Variants in PCNX1 observed in about 807,000 individuals in gnomAD.
The protein encoded by PCNX1 is pecanex-like protein 1.
Under a neutral mutation model 242.2 loss-of-function variants are expected in PCNX1, and 78 were observed. The observed-to-expected ratio is 0.32, with a 90% CI of 0.27 to 0.39. The LOEUF (loss-of-function observed/expected upper bound fraction) is 0.39, where lower values mean the gene tolerates loss of function less well. Among genes scored for constraint, PCNX1 ranks in the 10% least tolerant of loss-of-function variants. The pLI is 1.00. For missense variants in PCNX1, 2,581 were observed against 2,856.5 expected, an observed-to-expected ratio of 0.90 and a Z score of 2.20; for synonymous variants, 1,024 against 1,032.9, an observed-to-expected ratio of 0.99 and a Z score of 0.17.
intron 27 of PCNX1, among the ~76,000 whole-genome samples, chr14:71,075,478 A>G (rs1214244484): frequency 1.3e-5 from 2 of 152,186 alleles, no homozygotes; most frequent in South Asian, 2.1e-4. Context: ...ATATATCTCT[A>G]TAACTTGGCC....
chr14:71,008,609 T>C (rs1421915911), intron 8 of PCNX1, among the ~76,000 whole-genome samples: 7 of 143,236 alleles, frequency 4.9e-5, no homozygotes, highest in African/African-American at 1.4e-4. Context: ...TGAGCCGAGA[T>C]TGCGCCACTG....
At chr14:70,998,063 A>G (rs1336586855) in intron 8 of PCNX1, among the ~76,000 whole-genome samples, 1 of 152,198 alleles carries the variant, frequency 6.6e-6, no homozygotes, top group Non-Finnish European at 1.5e-5. Flanking sequence ...TAAAGCATAC[A>G]TACACACATA....
intron 1 of PCNX1, among the ~76,000 whole-genome samples, chr14:70,930,978 G>A (rs995888788): frequency 6.6e-6 from 1 of 151,944 alleles, no homozygotes; most frequent in Non-Finnish European, 1.5e-5. Flanking sequence ...TCCTTTGGGG[G>A]GCAGCTTATA....
chr14:71,038,436 A>G (rs1383153740), intron 19 of PCNX1, among the ~76,000 whole-genome samples: 1 of 150,656 alleles, frequency 6.6e-6, no homozygotes, highest in South Asian at 2.1e-4. Flanking sequence ...ACACTTCTCA[A>G]AAGAGGACAT....
intron 19 of PCNX1, among the ~76,000 whole-genome samples, chr14:71,041,254 T>C (rs1187230479): frequency 6.6e-6 from 1 of 152,176 alleles, no homozygotes; most frequent in African/African-American, 2.4e-5. Context: ...ACTTCCAAAC[T>C]GTTCTCCGTA....
At chr14:71,033,867 C>A in intron 17 of PCNX1, 64 bp from the exon 18 acceptor site, 3 of 837,870 alleles carry the variant, frequency 3.6e-6, no homozygotes, top group Admixed American at 4.6e-5. Flanking sequence ...AACTTCATTG[C>A]CCGTTTGAAT....
intron 6 of PCNX1, among the ~76,000 whole-genome samples, chr14:70,985,762 G>T (rs943321769): frequency 6.6e-6 from 1 of 152,050 alleles, no homozygotes; most frequent in Non-Finnish European, 1.5e-5. Flanking sequence ...TTCACTATCT[G>T]CATTTTATGC....
At chr14:71,003,173 T>A (rs1160770563) in intron 8 of PCNX1, among the ~76,000 whole-genome samples, 2 of 147,444 alleles carry the variant, frequency 1.4e-5, no homozygotes, top group African/African-American at 5.0e-5. Flanking sequence ...TACCTCTGCC[T>A]CCTGGGTTCA....
At chr14:70,913,353 C>T (rs564139916) in intron 1 of PCNX1, among the ~76,000 whole-genome samples, 30 of 152,124 alleles carry the variant, frequency 2.0e-4, no homozygotes, top group Middle Eastern at 6.8e-3. Flanking sequence ...GGGTTAGGTT[C>T]GGTGTCAGTC....
At chr14:71,005,380 T>A (rs115463802) in intron 8 of PCNX1, among the ~76,000 whole-genome samples, 3,617 of 152,078 alleles carry the variant, frequency 0.024, 64 homozygotes, top group African/African-American at 0.046. Context: ...CTGTGGCGTG[T>A]GCCTGCAGCC....
At chr14:71,095,953 A>C (rs1213220912) in intron 30 of PCNX1, among the ~76,000 whole-genome samples, 1 of 152,246 alleles carries the variant, frequency 6.6e-6, no homozygotes, top group East Asian at 1.9e-4. Context: ...AGGCAGGAGG[A>C]TCGCTTGAGC....
intron 2 of PCNX1, among the ~76,000 whole-genome samples, chr14:70,950,513 A>G (rs891588659): frequency 6.6e-6 from 1 of 152,166 alleles, no homozygotes; most frequent in Admixed American, 6.5e-5. Context: ...TGGAATTACT[A>G]GAAATGCTAT....
rs546842042 is a variant in PCNX1, at chr14:71,032,277, TG to T, written c.3559-1151del. ...TTTTCTCCTATACTTTGCTTTCATATGTATTTATCTCCCTTTCATTCTCAAG... is the reference window on the plus strand; with the variant it reads ...TTTTCTCCTATACTTTGCTTTCATATTATTTATCTCCCTTTCATTCTCAAG... On this transcript the variant is annotated intron_variant, in intron 16 of 35. Coordinates refer to ENST00000304743, the MANE Select transcript of PCNX1 (RefSeq NM_014982.3). Among the ~76,000 whole-genome samples, 59 of 152,356 alleles carry T rather than the reference TG, an allele frequency of 3.9e-4. No individual in the cohort carries two copies. The South Asian group carries it at 6.2e-3, about 16-fold the overall frequency.
At chr14:70,949,485 C>T (rs2057691309) in intron 2 of PCNX1, among the ~76,000 whole-genome samples, 1 of 151,742 alleles carries the variant, frequency 6.6e-6, no homozygotes, top group South Asian at 2.1e-4. Flanking sequence ...TATATACACA[C>T]ACACCTTAAG....
chr14:70,991,479 C>A (rs1421643377), intron 7 of PCNX1, among the ~76,000 whole-genome samples: 1 of 152,196 alleles, frequency 6.6e-6, no homozygotes, highest in South Asian at 2.1e-4. Context: ...GCCGGGATTA[C>A]AGGCATGAGC....
chr14:71,057,670 A>T lies in PCNX1; in HGVS notation c.4798A>T (p.Ile1600Leu). 4.3e-6 allele frequency: 7 copies of T among 1,614,040 alleles called. No individual in the cohort carries two copies. The highest frequency in any genetic ancestry group is 5.9e-6 in the Non-Finnish European group (7 of 1,179,912). ...CTATCTCAATGCATTAGTACACCTT[A>T]TAGAGATAGGCAATGGTCTGGTCAC... ...SDYLNALVHL[I>L]EIGNGLVTFQ... Residue 1600 changes from isoleucine to leucine, a missense_variant, in exon 26 of 36, where the codon ATA becomes TTA. Physicochemically the swap from Ile to Leu is conservative, Grantham distance 5. Coordinates refer to ENST00000304743, the MANE Select transcript of PCNX1 (RefSeq NM_014982.3).
At chr14:71,068,770 A>G (rs2061520258) in intron 26 of PCNX1, among the ~76,000 whole-genome samples, 1 of 119,724 alleles carries the variant, frequency 8.4e-6, no homozygotes, top group African/African-American at 3.8e-5. Flanking sequence ...TATATTATGT[A>G]TACTTCTACA....
At chr14:71,084,828 C>A (rs1470831473) in intron 28 of PCNX1, among the ~76,000 whole-genome samples, 1 of 152,188 alleles carries the variant, frequency 6.6e-6, no homozygotes, top group Non-Finnish European at 1.5e-5. Flanking sequence ...GGCTCCCTGG[C>A]TTCAGCCCCC....
In PCNX1 at chr14:71,089,244, C is replaced by A; in HGVS notation, c.5491C>A (p.Arg1831Ser). The stretch of plus-strand genomic sequence containing the variant: ...GCATGCCCTATTTAAAGGAGATTTC[C>A]GTATTTCTTCAATTCGAGATGAATG... ...GLHALFKGDF[R>S]ISSIRDEWIF... is the part of the protein sequence containing the mutation. The change falls in exon 30 of 36, where the codon CGT becomes AGT. Residue 1831 changes from arginine to serine, a missense_variant. Transcript: ENST00000304743. 6.2e-7 allele frequency: 1 copy of A among 1,610,606 alleles called. No homozygotes were observed. The highest frequency in any genetic ancestry group is 8.5e-7 in the Non-Finnish European group (1 of 1,177,048).
Sources: gnomAD v4.1 joint callset for allele counts (sites outside exome capture counted in the v4.1 genomes callset) on GRCh38, gnomAD v4.1.1 for gene constraint, MANE v1.5 for transcripts, NCBI Gene and HGNC (gene_info 2026-07-23, HGNC 2026-07-21) for gene names.